The following PCDH15 variants were observed in gnomAD, a reference collection of about 807,000 sequenced individuals.
PCDH15 encodes the protein protocadherin-15.
Under a neutral mutation model 178.5 loss-of-function variants are expected in PCDH15, and 129 were observed. That is an observed-to-expected ratio of 0.72 (90% CI 0.63 to 0.84). PCDH15 has a LOEUF of 0.84. PCDH15 is among the 40% of genes least tolerant of loss of function. The pLI is 0.00. For synonymous variants in PCDH15, 800 were observed against 732.0 expected (o/e 1.09, Z -1.50); for missense variants, 2,230 against 2,099.9 (o/e 1.06, Z -1.21).
At chr10:55,019,453 T>C (rs1174465985) in intron 2 of PCDH15, among the ~76,000 whole-genome samples, 1 of 152,152 alleles carries the variant, frequency 6.6e-6, no homozygotes, top group African/African-American at 2.4e-5. Flanking sequence ...TACCCCTTTT[T>C]TTTTCCTTAG....
chr10:54,196,838 T>A (rs1402431001), intron 10 of PCDH15, among the ~76,000 whole-genome samples: 1 of 152,122 alleles, frequency 6.6e-6, no homozygotes, highest in Non-Finnish European at 1.5e-5. Flanking sequence ...TGAGAACAAG[T>A]AAGAAGGTGG....
intron 1 of PCDH15, among the ~76,000 whole-genome samples, chr10:55,249,905 A>G (rs1303547450): frequency 6.6e-6 from 1 of 152,000 alleles, no homozygotes; most frequent in Admixed American, 6.6e-5. Flanking sequence ...TTCAGTTTAT[A>G]TTTTCATCTC....
At chr10:54,103,123 T>G (rs891461495) in intron 15 of PCDH15, among the ~76,000 whole-genome samples, 1 of 152,230 alleles carries the variant, frequency 6.6e-6, no homozygotes, top group Non-Finnish European at 1.5e-5. Context: ...GTCTGTAAAC[T>G]GGCTCAACTC....
At chr10:53,977,606 T>C (rs2134548069) in intron 21 of PCDH15, among the ~76,000 whole-genome samples, 1 of 152,278 alleles carries the variant, frequency 6.6e-6, no homozygotes, top group African/African-American at 2.4e-5. Flanking sequence ...CTTTCAAATC[T>C]CATGACCTCA....
At chr10:55,497,833 T>C (rs893565864) in intron 2 of PCDH15, among the ~76,000 whole-genome samples, 3 of 151,822 alleles carry the variant, frequency 2.0e-5, no homozygotes, top group Non-Finnish European at 4.4e-5. Context: ...GGCAAGATGA[T>C]TCTATCTACA....
intron 3 of PCDH15, among the ~76,000 whole-genome samples, chr10:54,408,724 T>A (rs78841900): frequency 0.056 from 8,539 of 152,234 alleles, 322 homozygotes; most frequent in Admixed American, 0.11. Flanking sequence ...ACAAGATTAT[T>A]TTTTATATAA....
In PCDH15 at chr10:54,397,254, C is replaced by A. The variant is rs567771173; in HGVS notation, c.158-18312G>T. Among the ~76,000 whole-genome samples, 259 of 152,136 alleles carry A rather than the reference C, an allele frequency of 1.7e-3. 2 individuals are homozygous for A. The highest frequency in any genetic ancestry group is 6.1e-3 in the African/African-American group (253 of 41,534). Reference sequence around the variant, plus strand: ...TATAACCCAGGGATGTCTTAAAAAACTTGGAGACATCCCTTTGAAATATTG... The same window carrying A: ...TATAACCCAGGGATGTCTTAAAAAAATTGGAGACATCCCTTTGAAATATTG... On this transcript the variant is annotated intron_variant, in intron 3 of 37. Coordinates refer to ENST00000644397, the MANE Select transcript of PCDH15 (RefSeq NM_001384140.1).
At chr10:54,718,073 G>T (rs1254018873) in intron 1 of PCDH15, among the ~76,000 whole-genome samples, 1 of 149,866 alleles carries the variant, frequency 6.7e-6, no homozygotes, top group Non-Finnish European at 1.5e-5. Flanking sequence ...GGAACACGTG[G>T]ACACAGGAGG....
intron 15 of PCDH15, among the ~76,000 whole-genome samples, chr10:54,121,084 G>A (rs1296016969): frequency 1.3e-5 from 2 of 150,394 alleles, no homozygotes; most frequent in Admixed American, 1.3e-4. Context: ...AGAAATCACA[G>A]CACCCATATT....
At chr10:55,476,708 C>G (rs543631473) in intron 2 of PCDH15, among the ~76,000 whole-genome samples, 2 of 151,836 alleles carry the variant, frequency 1.3e-5, no homozygotes, top group African/African-American at 4.8e-5. Flanking sequence ...AAATAATAAT[C>G]CCACCATACT....
Position 53,808,329 on chromosome 10 carries a change from T to TAC in PCDH15, c.4672-1200_4672-1199insGT, listed in dbSNP as rs1398948005. 32 of 382,088 alleles carry TAC rather than the reference T, an allele frequency of 8.4e-5. No individual in the cohort carries two copies. In the African/African-American group the frequency reaches 9.0e-4, roughly 11 times the overall value. 23.7% of individuals were successfully genotyped at this position (382,088 alleles called of 1,614,324 possible). On this transcript the variant is annotated intron_variant, in intron 37 of 37. Coordinates refer to ENST00000644397, the MANE Select transcript of PCDH15 (RefSeq NM_001384140.1). The stretch of plus-strand genomic sequence containing the variant: ...TATAAAAACATATATAGTGTGTGTG[T>TAC]GTATATATATATATATATATATATG...
rs528041541 is a variant in PCDH15 at position 54,554,284 on chromosome 10, C to T, written c.92-26407G>A. On this transcript the variant is annotated intron_variant, in intron 2 of 37. Transcript: ENST00000644397. ...AAGTTAAGTCCTCTTTAGACATCAA[C>T]AAGCTTCTTATAGTTTATTTTTAGC... Among the ~76,000 whole-genome samples, 4 of 152,256 alleles carry T rather than the reference C, an allele frequency of 2.6e-5. 1 individual carries two copies. The highest frequency in any genetic ancestry group is 9.6e-5 in the African/African-American group (4 of 41,566).
At chr10:54,348,777 T>A (rs1466977691) in intron 5 of PCDH15, among the ~76,000 whole-genome samples, 1 of 152,190 alleles carries the variant, frequency 6.6e-6, no homozygotes, top group African/African-American at 2.4e-5. Flanking sequence ...ATTTATTGAA[T>A]TTATTAGTTC....
At chr10:55,540,525 C>T (rs1257850979) in intron 2 of PCDH15, among the ~76,000 whole-genome samples, 1 of 151,906 alleles carries the variant, frequency 6.6e-6, no homozygotes, top group Non-Finnish European at 1.5e-5. Context: ...CAAACCTTCA[C>T]CAGACTGTAA....
At chr10:55,273,778 C>G (rs942151875) in intron 1 of PCDH15, among the ~76,000 whole-genome samples, 1 of 152,008 alleles carries the variant, frequency 6.6e-6, no homozygotes, top group Non-Finnish European at 1.5e-5. Flanking sequence ...TATATTCTCA[C>G]GTACTTGAGG....
chr10:55,537,193 C>T (rs1041019929), intron 2 of PCDH15, among the ~76,000 whole-genome samples: 1 of 151,934 alleles, frequency 6.6e-6, no homozygotes, highest in African/African-American at 2.4e-5. Flanking sequence ...AAAATAATAG[C>T]AATACATGCC....
chr10:54,897,737 TTTTATC>T (rs1954568865), intron 2 of PCDH15, among the ~76,000 whole-genome samples: 1 of 152,172 alleles, frequency 6.6e-6, no homozygotes, highest in South Asian at 2.1e-4. Flanking sequence ...TCACAAAATG[TTTTATC>T]TTTAAGTGCT....
intron 2 of PCDH15, among the ~76,000 whole-genome samples, chr10:55,128,587 A>G (rs1255152065): frequency 6.6e-6 from 1 of 151,830 alleles, no homozygotes; most frequent in East Asian, 1.9e-4. Context: ...CCGCACCTTA[A>G]CCTGTTATTT....
intron 1 of PCDH15, among the ~76,000 whole-genome samples, chr10:54,702,902 CAAT>C (rs2095325250): frequency 6.6e-6 from 1 of 151,792 alleles, no homozygotes; most frequent in Admixed American, 6.6e-5. Context: ...AACACAACAA[CAAT>C]AACAACAAAA....
Sources: gnomAD v4.1 joint callset for allele counts (sites outside exome capture counted in the v4.1 genomes callset) on GRCh38, gnomAD v4.1.1 for gene constraint, MANE v1.5 for transcripts, NCBI Gene and HGNC (gene_info 2026-07-23, HGNC 2026-07-21) for gene names.